PRPF31: variants seen among roughly 807,000 people sequenced by gnomAD.
The protein encoded by PRPF31 is U4/U6 small nuclear ribonucleoprotein Prp31.
In PRPF31, 12 loss-of-function variants were observed where a neutral mutation model predicts 60.4. That is an observed-to-expected ratio of 0.20 (90% CI 0.13 to 0.32). The LOEUF is 0.32. Among genes scored for constraint, PRPF31 ranks in the 10% least tolerant of loss-of-function variants. The pLI is 1.00. For missense variants in PRPF31, 431 were observed against 687.1 expected, an observed-to-expected ratio of 0.63 and a Z score of 4.17; for synonymous variants, 287 against 287.9, an observed-to-expected ratio of 1.00 and a Z score of 0.03.
In PRPF31 at chr19:54,123,327, C is replaced by T. The variant is rs375011819; in HGVS notation, c.421-127C>T. 260 of 776,614 alleles carry T rather than the reference C, an allele frequency of 3.3e-4. 1 individual carries two copies. Among genetic ancestry groups the T allele is most frequent in the East Asian group, 2.6e-3 (105 of 40,046 alleles). The allele number at this position is 776,614 out of a possible 1,614,324, so 48.1% of individuals were successfully genotyped here. A position where few individuals can be genotyped will look rare whatever the true frequency, so the allele number is the denominator to read the frequency against. On this transcript the variant is annotated intron_variant, in intron 5 of 13. Coordinates refer to ENST00000321030, the MANE Select transcript of PRPF31 (RefSeq NM_015629.4). ...CTTCAGGCGGTGGAGGCAGGAGAGG[C>T]CCCCAGTGCAGAGACCCTGACTGTC...
Position 54,129,364 on chromosome 19 carries a change from A to C in PRPF31, c.1368A>C (p.Pro456=), listed in dbSNP as rs781193871. 5.6e-6 allele frequency: 9 copies of C among 1,595,122 alleles called. No homozygotes were observed. The South Asian group carries it at 9.0e-5, about 16-fold the overall frequency. Residue 456 remains proline (P), a synonymous_variant, in exon 13 of 14, where the codon CCA becomes CCC. Coordinates refer to ENST00000321030, the MANE Select transcript of PRPF31 (RefSeq NM_015629.4). ...CGGCCTCCAGCGTGGCCTTCACCCCACTCCAGGTACCTCCCCTGGGCCGGC... is the reference window on the plus strand; with the variant it reads ...CGGCCTCCAGCGTGGCCTTCACCCCCCTCCAGGTACCTCCCCTGGGCCGGC... ...SGTASSVAFT[P]LQGLEIVNPQ...
rs773348494 is a variant in PRPF31, at chr19:54,129,227, A to G, written c.1275+42A>G. 3.7e-6 allele frequency: 6 copies of G among 1,601,524 alleles called. No individual in the cohort carries two copies. The Admixed American group carries it at 5.1e-5, about 14-fold the overall frequency. ...GGTGGGGCTGGGGACCGAGGGACAC[A>G]AGGTGGGGGGAGCCCAGATCGCAGC... is the stretch of plus-strand genomic sequence containing the variant. On this transcript the variant is annotated intron_variant, in intron 12 of 13. Transcript: ENST00000321030.
At chr19:54,123,972 T>A in intron 7 of PRPF31, 54 bp downstream of exon 7, 1 of 1,607,556 alleles carries the variant, frequency 6.2e-7, no homozygotes, top group Non-Finnish European at 8.5e-7. Context: ...ACTGTGACCT[T>A]GGGAAAGCTA....
Position 54,122,598 on chromosome 19 carries a change from A to G in PRPF31, c.420+4A>G. The G allele has an allele frequency of 6.2e-7, 1 of 1,612,844 alleles. No individual in the cohort carries two copies. Among genetic ancestry groups the G allele is most frequent in the Non-Finnish European group, 8.5e-7 (1 of 1,178,800 alleles). On this transcript the variant is annotated splice_donor_region_variant and intron_variant, in intron 5 of 13. Transcript: ENST00000321030. ...GGATTACATCCGCACGGTCAAGGTG[A>G]GCGCAGAGAAGGTGGGGTGCTTCTG...
At chr19:54,122,393 C>T (rs2073813972) in intron 4 of PRPF31, 104 bp from the exon 5 acceptor site, 1 of 897,164 alleles carries the variant, frequency 1.1e-6, no homozygotes, top group Non-Finnish European at 1.9e-6. Flanking sequence ...GGCCACAAGC[C>T]AGGGCTTCAG....
At chr19:54,118,730 A>G (rs1600325776) in intron 3 of PRPF31, 97 bp downstream of exon 3, 1 of 1,203,850 alleles carries the variant, frequency 8.3e-7, no homozygotes, top group Non-Finnish European at 1.2e-6. Context: ...TCTCCTTCTC[A>G]GCCTTTTCCA....
chr19:54,122,746 G>T, intron 5 of PRPF31, 152 bp downstream of exon 5: 1 of 735,338 alleles, frequency 1.4e-6, no homozygotes, highest in South Asian at 1.4e-5. Flanking sequence ...TGGGAGGGAC[G>T]GAGCCTGGAC....
chr19:54,123,170 G>T, intron 5 of PRPF31: 1 of 569,396 alleles, frequency 1.8e-6, no homozygotes, highest in South Asian at 2.0e-5. Context: ...ACTCCGACTT[G>T]ACGCAGGCCA....
Position 54,131,583 on chromosome 19 carries a change from C to T in PRPF31, c.*151C>T. 1.2e-5 allele frequency: 15 copies of T among 1,224,694 alleles called. No homozygotes were observed. The highest frequency in any genetic ancestry group is 2.0e-5 in the Admixed American group (1 of 50,128). 75.9% of individuals were successfully genotyped at this position (1,224,694 alleles called of 1,614,324 possible). A position where few individuals can be genotyped will look rare whatever the true frequency, so the allele number is the denominator to read the frequency against. ...CCAGGGAGGAGGCCTTGGAAGAGTC[C>T]GGCCTGGCCTCCCCCAGGACCGAGA... On this transcript the variant is annotated 3_prime_UTR_variant, in exon 14 of 14. Transcript: ENST00000321030.
At position 54,131,382 on chromosome 19, in the gene PRPF31, G is replaced by A. The variant is rs970673640; in HGVS notation, c.1450G>A (p.Ala484Thr). ...CAACCAGAAGTATTTCTCCAGCATG[G>A]CTGAGTTCCTCAAGGTCAAGGGCGA... ...EANQKYFSSM[A>T]EFLKVKGEKS... Residue 484 changes from alanine to threonine, a missense_variant, in exon 14 of 14, where the codon GCT becomes ACT. By Grantham distance (58) the Ala-to-Thr change is moderately conservative. Coordinates refer to ENST00000321030, the MANE Select transcript of PRPF31 (RefSeq NM_015629.4). 4.3e-6 allele frequency: 7 copies of A among 1,613,994 alleles called. No homozygotes were observed. Among genetic ancestry groups the A allele is most frequent in the Non-Finnish European group, 5.1e-6 (6 of 1,180,028 alleles).
chr19:54,129,752 G>A (rs1203800952), intron 13 of PRPF31, among the ~76,000 whole-genome samples: 1 of 149,446 alleles, frequency 6.7e-6, no homozygotes, highest in African/African-American at 2.5e-5. Context: ...GGCGGGCTTG[G>A]ATGTCAAGTG....
chr19:54,123,075 G>A (rs2073832738), intron 5 of PRPF31: 2 of 467,862 alleles, frequency 4.3e-6, no homozygotes, highest in South Asian at 4.3e-5. Context: ...AGGGCGGGGA[G>A]AGGAGGAGGT....
At chr19:54,122,248 C>T (rs2073810157) in intron 4 of PRPF31, 3 of 623,028 alleles carry the variant, frequency 4.8e-6, no homozygotes, top group Middle Eastern at 4.3e-4. Flanking sequence ...CCTCCGCATT[C>T]CCACCAGCAA....
chr19:54,126,489 GTC>G, intron 8 of PRPF31, 37 bp from the exon 9 acceptor site: 1 of 1,590,506 alleles, frequency 6.3e-7, no homozygotes, highest in Non-Finnish European at 8.6e-7. Context: ...CTGTCTGTCT[GTC>G]TCACACAGAT....
intron 3 of PRPF31, chr19:54,119,572 T>C (rs1328227393): frequency 2.6e-5 from 4 of 151,584 alleles, no homozygotes; most frequent in Non-Finnish European, 2.9e-5. Flanking sequence ...TCTTGGCTCA[T>C]TGCAACCTCC....
At chr19:54,116,629 C>G (rs1289621723) in intron 1 of PRPF31, among the ~76,000 whole-genome samples, 3 of 152,258 alleles carry the variant, frequency 2.0e-5, no homozygotes, top group Non-Finnish European at 4.4e-5. Flanking sequence ...GGCAGACAGG[C>G]TTTATCAAAT....
At chr19:54,128,674 G>A (rs953043991) in intron 11 of PRPF31, among the ~76,000 whole-genome samples, 8 of 152,170 alleles carry the variant, frequency 5.3e-5, no homozygotes, top group African/African-American at 1.4e-4. Flanking sequence ...CTGCACGGCC[G>A]CCCCGTCCCT....
chr19:54,129,327 G>T lies in PRPF31; in HGVS notation c.1331G>T (p.Arg444Leu). Residue 444 changes from arginine (R) to leucine (L), a missense_variant, in exon 13 of 14, where the codon CGC becomes CTC. Physicochemically the swap from Arg to Leu is moderately radical, Grantham distance 102 (BLOSUM62 -2). Coordinates refer to ENST00000321030, the MANE Select transcript of PRPF31 (RefSeq NM_015629.4). ...VYGGKSTIRD[R>L]SSGTASSVAF... Reference sequence around the variant, plus strand: ...GGCGGGAAGTCCACCATCCGCGACCGCTCCTCGGGCACGGCCTCCAGCGTG... The same window carrying T: ...GGCGGGAAGTCCACCATCCGCGACCTCTCCTCGGGCACGGCCTCCAGCGTG... 6.2e-7 allele frequency: 1 copy of T among 1,605,222 alleles called. No individual in the cohort carries two copies. Among genetic ancestry groups the T allele is most frequent in the Non-Finnish European group, 8.5e-7 (1 of 1,176,676 alleles).
At position 54,129,637 on chromosome 19, in the gene PRPF31, C is replaced by T. The variant is rs587761536; in HGVS notation, c.1374+267C>T. 1.6e-3 allele frequency among the ~76,000 whole-genome samples: 210 copies of T among 134,442 alleles called. 2 individuals carry two copies. The highest frequency in any genetic ancestry group is 5.5e-3 in the African/African-American group (201 of 36,770). The allele number at this position is 134,442 out of a possible 152,430, so 88.2% of individuals were successfully genotyped here. On this transcript the variant is annotated intron_variant, in intron 13 of 13. Coordinates refer to ENST00000321030, the MANE Select transcript of PRPF31 (RefSeq NM_015629.4). ...TGTTCAGGGCACCCAGTTCCTCTGT[C>T]GGGCTGTGAGCGGGTAACACTGCTC...
Sources: gnomAD v4.1 joint callset for allele counts (sites outside exome capture counted in the v4.1 genomes callset) on GRCh38, gnomAD v4.1.1 for gene constraint, MANE v1.5 for transcripts, NCBI Gene and HGNC (gene_info 2026-07-23, HGNC 2026-07-21) for gene names.